The following KCNIP1 variants were observed in gnomAD, a reference collection of about 807,000 sequenced individuals.
The protein encoded by KCNIP1 is A-type potassium channel modulatory protein KCNIP1.
A neutral mutation model predicts 33.0 loss-of-function variants in KCNIP1; 18 were observed. The ratio of observed to expected loss-of-function variants is 0.55; its 90% CI spans 0.38 to 0.81. The LOEUF (loss-of-function observed/expected upper bound fraction) is 0.81. Among genes scored for constraint, KCNIP1 ranks in the 30% least tolerant of loss-of-function variants. The probability of loss-of-function intolerance (pLI) is 0.00; values close to 1 mark genes in which losing one functional copy is unlikely to be tolerated. For synonymous variants in KCNIP1, 93 were observed against 98.3 expected, an observed-to-expected ratio of 0.95 and a Z score of 0.32; for missense variants, 238 against 271.6, an observed-to-expected ratio of 0.88 and a Z score of 0.87.
chr5:170,646,701 C>A (rs1053936208), intron 1 of KCNIP1, among the ~76,000 whole-genome samples: 2 of 152,072 alleles, frequency 1.3e-5, no homozygotes, highest in African/African-American at 4.8e-5. Flanking sequence ...CCCTCTCACT[C>A]CTCCTTTTCA....
At chr5:170,646,042 G>A (rs546951270) in intron 1 of KCNIP1, among the ~76,000 whole-genome samples, 94 of 152,158 alleles carry the variant, frequency 6.2e-4, no homozygotes, top group Non-Finnish European at 1.0e-3. Context: ...GCCAAAATTC[G>A]CACAAGAAGA....
chr5:170,635,180 C>T (rs552216056), intron 1 of KCNIP1, among the ~76,000 whole-genome samples: 1 of 152,294 alleles, frequency 6.6e-6, no homozygotes, highest in African/African-American at 2.4e-5. Flanking sequence ...CAGGCACCCA[C>T]CACCACACCC....
intron 5 of KCNIP1, among the ~76,000 whole-genome samples, chr5:170,730,491 A>C (rs1168487375): frequency 6.6e-6 from 1 of 152,230 alleles, no homozygotes; most frequent in Non-Finnish European, 1.5e-5. Flanking sequence ...GTTGTAGGCT[A>C]TGAAAATCCT....
intron 1 of KCNIP1, among the ~76,000 whole-genome samples, chr5:170,358,061 C>T (rs1192032305): frequency 6.6e-6 from 1 of 152,198 alleles, no homozygotes; most frequent in Non-Finnish European, 1.5e-5. Context: ...AGCTCCCCTC[C>T]ACCCGCCTCA....
At chr5:170,503,204 A>G (rs6555899), upstream of KCNIP1, among the ~76,000 whole-genome samples, 173 of 152,186 alleles carry the variant, frequency 1.1e-3, 2 homozygotes, top group African/African-American at 3.9e-3. Flanking sequence ...AGCCAGCCCA[A>G]CATGGCGAAA....
intron 1 of KCNIP1, among the ~76,000 whole-genome samples, chr5:170,590,479 C>T (rs546579836): frequency 4.6e-5 from 7 of 152,132 alleles, no homozygotes; most frequent in East Asian, 3.9e-4. Flanking sequence ...TCTATCCAAC[C>T]GGTAGAGGAT....
chr5:170,500,121 C>A (rs1346457506), upstream of KCNIP1, among the ~76,000 whole-genome samples: 1 of 152,182 alleles, frequency 6.6e-6, no homozygotes, highest in Non-Finnish European at 1.5e-5. Context: ...GTTGCAACTG[C>A]CTTTTCCCTG....
At chr5:170,651,113 C>T (rs773820959) in intron 1 of KCNIP1, among the ~76,000 whole-genome samples, 1 of 152,156 alleles carries the variant, frequency 6.6e-6, no homozygotes, top group Admixed American at 6.5e-5. Context: ...ATTCTTGGCT[C>T]TTAGGGGACA....
At chr5:170,514,781 G>C (rs188513234) in intron 1 of KCNIP1, among the ~76,000 whole-genome samples, 12 of 152,328 alleles carry the variant, frequency 7.9e-5, no homozygotes, top group African/African-American at 2.9e-4. Context: ...GAAAGAAACC[G>C]ATCTGTATCG....
chr5:170,428,967 A>T (rs1301388443), intron 1 of KCNIP1, among the ~76,000 whole-genome samples: 1 of 151,968 alleles, frequency 6.6e-6, no homozygotes, highest in Non-Finnish European at 1.5e-5. Flanking sequence ...TTCCCATCGT[A>T]TGATAGCCTG....
intron 1 of KCNIP1, among the ~76,000 whole-genome samples, chr5:170,395,046 C>T (rs978237700): frequency 1.5e-4 from 23 of 152,102 alleles, no homozygotes; most frequent in African/African-American, 5.3e-4. Flanking sequence ...GTGAATAGTG[C>T]GGCAATAAAT....
chr5:170,542,749 A>G (rs1756259950), intron 1 of KCNIP1, among the ~76,000 whole-genome samples: 1 of 148,132 alleles, frequency 6.8e-6, no homozygotes. Flanking sequence ...AAAATAGAAC[A>G]ATTACCACAA....
intron 1 of KCNIP1, among the ~76,000 whole-genome samples, chr5:170,661,854 G>A (rs147865072): frequency 2.5e-4 from 38 of 152,282 alleles, no homozygotes; most frequent in African/African-American, 8.2e-4. Context: ...AACCTGTCCC[G>A]GAGGAGCTCA....
At chr5:170,383,823 GT>G in intron 1 of KCNIP1, 1 of 1,614,040 alleles carries the variant, frequency 6.2e-7, no homozygotes, top group East Asian at 2.2e-5. Flanking sequence ...TCTCAATCAG[GT>G]GGCACTTGGA....
chr5:170,697,079 G>A (rs574885194), intron 1 of KCNIP1, among the ~76,000 whole-genome samples: 6 of 150,398 alleles, frequency 4.0e-5, no homozygotes, highest in South Asian at 4.2e-4. Flanking sequence ...CCTCTCTCTC[G>A]CTGTCTCACA....
At chr5:170,674,800 C>G (rs2135047) in intron 1 of KCNIP1, among the ~76,000 whole-genome samples, 51,502 of 151,954 alleles carry the variant, frequency 0.34, 9,063 homozygotes, top group East Asian at 0.57. Flanking sequence ...TGCCTCCTTC[C>G]TCTCCAGTCT....
At chr5:170,416,738 A>G (rs1002890324) in intron 1 of KCNIP1, among the ~76,000 whole-genome samples, 1 of 152,042 alleles carries the variant, frequency 6.6e-6, no homozygotes, top group African/African-American at 2.4e-5. Flanking sequence ...CACTGCCAGC[A>G]CTCATTTCTT....
chr5:170,440,641 C>T (rs1185781095), intron 1 of KCNIP1, among the ~76,000 whole-genome samples: 1 of 152,150 alleles, frequency 6.6e-6, no homozygotes, highest in East Asian at 1.9e-4. Flanking sequence ...GCGAGTATGA[C>T]ACAGGATCCC....
chr5:170,500,834 G>T (rs569884584), upstream of KCNIP1, among the ~76,000 whole-genome samples: 4 of 152,348 alleles, frequency 2.6e-5, no homozygotes, highest in South Asian at 6.2e-4. Context: ...GTACATGGTA[G>T]ATACATGAAT....
Sources: allele counts gnomAD v4.1 joint callset (sites outside exome capture counted in the v4.1 genomes callset), GRCh38; gene constraint gnomAD v4.1.1; transcripts MANE v1.5; gene names NCBI Gene and HGNC (gene_info 2026-07-23, HGNC 2026-07-21).